Variants in USP22 observed in about 807,000 individuals in gnomAD.
USP22 encodes the protein ubiquitin carboxyl-terminal hydrolase 22.
Under a neutral mutation model 68.1 loss-of-function variants are expected in USP22, and 22 were observed. That is an observed-to-expected ratio of 0.32 (90% confidence interval 0.23 to 0.46). The LOEUF is 0.46. USP22 is among the 20% of genes least tolerant of loss of function. The pLI, the probability that USP22 is intolerant of heterozygous loss-of-function variation, is 1.00. For synonymous variants in USP22, 279 were observed against 274.2 expected (o/e 1.02, Z -0.17); for missense variants, 433 against 695.8 (o/e 0.62, Z 4.25).
At chr17:21,014,683 G>A (rs1231899483) in intron 6 of USP22, among the ~76,000 whole-genome samples, 1 of 152,168 alleles carries the variant, frequency 6.6e-6, no homozygotes. Flanking sequence ...GATGAGAAGC[G>A]ATGGGAAGGC....
Position 21,022,794 on chromosome 17 carries a change from G to A in USP22, c.305-1568C>T, listed in dbSNP as rs567636578. ...AGCCTGGGCAACAGAGCGAGACTCC[G>A]TCTCAAAAAAAAAAAAAAACCAAAT... On this transcript the variant is annotated intron_variant, in intron 2 of 12. Coordinates refer to ENST00000261497, the MANE Select transcript of USP22 (RefSeq NM_015276.2). Among the ~76,000 whole-genome samples, 648 of 75,816 alleles carry A rather than the reference G, an allele frequency of 8.5e-3. 6 individuals are homozygous for A. Among genetic ancestry groups the A allele is most frequent in the African/African-American group, 0.027 (612 of 22,926 alleles). 49.7% of individuals were successfully genotyped at this position (75,816 alleles called of 152,430 possible).
chr17:21,002,784 GCTC>G lies in USP22; in HGVS notation c.*244_*246del. 2.1e-6 allele frequency: 1 copy of G among 484,568 alleles called. No individual in the cohort carries two copies. The highest frequency in any genetic ancestry group is 3.8e-6 in the Non-Finnish European group (1 of 262,156). The allele number at this position is 484,568 out of a possible 1,614,324, so 30.0% of individuals were successfully genotyped here. ...GATGTTCTGGTGACGGGTGTACGCT[GCTC>G]CTCCCACCCAGAGCACACCCCTCAT... is the stretch of plus-strand genomic sequence containing the variant. On this transcript the variant is annotated 3_prime_UTR_variant, in exon 13 of 13. Transcript: ENST00000261497.
intron 11 of USP22, 47 bp from the exon 12 acceptor site, chr17:21,004,398 G>A (rs527636822): frequency 2.8e-5 from 44 of 1,600,000 alleles, no homozygotes; most frequent in Middle Eastern, 1.7e-4. Context: ...ACTTGATGCC[G>A]TCACTTGAGG....
intron 7 of USP22, chr17:21,011,536 C>A: frequency 3.9e-6 from 2 of 516,726 alleles, no homozygotes; most frequent in Non-Finnish European, 6.9e-6. Context: ...AGGCGAGGGG[C>A]GCTCCTCAAG....
intron 1 of USP22, among the ~76,000 whole-genome samples, chr17:21,029,984 A>G (rs1047836357): frequency 4.6e-5 from 7 of 152,248 alleles, no homozygotes; most frequent in Non-Finnish European, 1.5e-5. Flanking sequence ...TGATTCCTCT[A>G]AAACAGTCAA....
chr17:21,036,200 G>T (rs1415902751), intron 1 of USP22, among the ~76,000 whole-genome samples: 4 of 152,066 alleles, frequency 2.6e-5, no homozygotes, highest in African/African-American at 4.8e-5. Context: ...GAGACCAGTG[G>T]TTGTGGAGAG....
intron 6 of USP22, 32 bp from the exon 7 acceptor site, chr17:21,012,967 T>A (rs747311320): frequency 6.2e-7 from 1 of 1,600,794 alleles, no homozygotes; most frequent in East Asian, 2.2e-5. Context: ...GGGATTAGTG[T>A]CTCCCCAAAT....
chr17:21,012,885 T>C lies in USP22; in HGVS notation c.889A>G (p.Ile297Val). 6.2e-7 allele frequency: 1 copy of C among 1,613,970 alleles called. No homozygotes were observed. The highest frequency in any genetic ancestry group is 8.5e-7 in the Non-Finnish European group (1 of 1,180,016). Residue 297 changes from isoleucine to valine, a missense_variant, in exon 7 of 13, where the codon ATA becomes GTA. Physicochemically the swap from Ile to Val is conservative, Grantham distance 29. Coordinates refer to ENST00000261497, the MANE Select transcript of USP22 (RefSeq NM_015276.2). ...AACCCGCCTGTGAAGATCTGGTCTA[T>C]GATGCAGTTGCAGTGGTTGGGGTTG... ...ANNPNHCNCI[I>V]DQIFTGGLQS...
chr17:21,010,469 G>A (rs945724108), intron 8 of USP22, among the ~76,000 whole-genome samples: 12 of 151,772 alleles, frequency 7.9e-5, no homozygotes, highest in African/African-American at 2.4e-4. Context: ...CTGATATCAC[G>A]AGTTCGAGAC....
intron 2 of USP22, among the ~76,000 whole-genome samples, chr17:21,021,780 A>G (rs1823217375): frequency 1.3e-5 from 2 of 152,276 alleles, no homozygotes; most frequent in South Asian, 2.1e-4. Context: ...CTTCTACCAC[A>G]ATTTCTCAAC....
Position 21,012,656 on chromosome 17 carries a change from T to A in USP22, c.944+174A>T, listed in dbSNP as rs190869048. On this transcript the variant is annotated intron_variant, in intron 7 of 12. Transcript: ENST00000261497. ...CCGAGGGGACACCTGCCCTACGACC[T>A]CCCCAAGAGGAAGCACCCCCACCCC... Among the ~76,000 whole-genome samples, 3 of 150,904 alleles carry A rather than the reference T, an allele frequency of 2.0e-5. No homozygotes were observed. The East Asian group carries it at 5.8e-4, about 29-fold the overall frequency.
At chr17:21,008,691 T>C (rs1597688934) in intron 8 of USP22, among the ~76,000 whole-genome samples, 1 of 152,082 alleles carries the variant, frequency 6.6e-6, no homozygotes, top group Non-Finnish European at 1.5e-5. Flanking sequence ...CGCACCACAG[T>C]GCTGAGGAGG....
At chr17:21,021,018 C>T in intron 3 of USP22, 95 bp downstream of exon 3, 4 of 995,892 alleles carry the variant, frequency 4.0e-6, no homozygotes, top group Non-Finnish European at 6.2e-6. Context: ...CCTGCCACTT[C>T]CCACCTAGGT....
intron 3 of USP22, among the ~76,000 whole-genome samples, chr17:21,020,034 T>G (rs1215146111): frequency 1.3e-5 from 2 of 152,180 alleles, no homozygotes; most frequent in Admixed American, 6.5e-5. Flanking sequence ...GTTGCTATTC[T>G]TCCCTTCTCA....
At chr17:21,009,462 G>C (rs1390925356) in intron 8 of USP22, among the ~76,000 whole-genome samples, 4 of 64,094 alleles carry the variant, frequency 6.2e-5, no homozygotes, top group African/African-American at 2.0e-4. Context: ...ATACAAAGTG[G>C]GGACCCGGGT....
chr17:21,020,369 G>C (rs903583761), intron 3 of USP22, among the ~76,000 whole-genome samples: 4 of 152,120 alleles, frequency 2.6e-5, no homozygotes, highest in Non-Finnish European at 4.4e-5. Context: ...AGTGTGTGTG[G>C]CCACACGGTG....
At chr17:21,040,887 CTTT>C (rs376506784) in intron 1 of USP22, among the ~76,000 whole-genome samples, 1 of 142,870 alleles carries the variant, frequency 7.0e-6, no homozygotes. Context: ...CCAGGCCACC[CTTT>C]TTTTTTTTTT....
At chr17:21,040,945 CGCGATCACT>C in intron 1 of USP22, among the ~76,000 whole-genome samples, 1 of 150,320 alleles carries the variant, frequency 6.7e-6, no homozygotes, top group African/African-American at 2.5e-5. Flanking sequence ...AGTACAGTGG[CGCGATCACT>C]GCTCACTGCA....
chr17:21,031,906 G>A (rs1382680861), intron 1 of USP22, among the ~76,000 whole-genome samples: 2 of 152,198 alleles, frequency 1.3e-5, no homozygotes, highest in Non-Finnish European at 2.9e-5. Context: ...TATTCAAGCA[G>A]CCAACCAACA....
Sources: gnomAD v4.1 joint callset for allele counts (sites outside exome capture counted in the v4.1 genomes callset) on GRCh38, gnomAD v4.1.1 for gene constraint, MANE v1.5 for transcripts, NCBI Gene and HGNC (gene_info 2026-07-23, HGNC 2026-07-21) for gene names.